The following ASIC2 variants were observed in gnomAD, a reference collection of about 807,000 sequenced individuals.
ASIC2 encodes acid sensing ion channel subunit 2.
ASIC2 carries 25 observed loss-of-function variants against 57.3 expected under a neutral mutation model. The ratio of observed to expected loss-of-function variants is 0.44; its 90% CI spans 0.32 to 0.61. The LOEUF (loss-of-function observed/expected upper bound fraction) is 0.61, where lower values mean the gene tolerates loss of function less well. ASIC2 is among the 20% of genes least tolerant of loss of function. The probability of loss-of-function intolerance (pLI) is 0.06; values close to 1 mark genes in which losing one functional copy is unlikely to be tolerated. For synonymous variants in ASIC2, 319 were observed against 307.5 expected (o/e 1.04, Z -0.39); for missense variants, 641 against 738.1 (o/e 0.87, Z 1.52).
intron 1 of ASIC2, among the ~76,000 whole-genome samples, chr17:33,922,227 A>G (rs2141965698): frequency 6.6e-6 from 1 of 152,254 alleles, no homozygotes; most frequent in South Asian, 2.1e-4. Context: ...AGTCAGAGAC[A>G]AGTTCAATAC....
At position 33,886,955 on chromosome 17, in the gene ASIC2, C is replaced by CA. The variant is rs997757761; in HGVS notation, c.555+269022dup. On this transcript the variant is annotated intron_variant, in intron 1 of 9. Transcript: ENST00000359872. ...GGCAGAAAACAAACAAACAAACTAA[C>CA]AAAAAAAACAAAAAATGCATTTTTT... Among the ~76,000 whole-genome samples, 93 of 151,604 alleles carry CA rather than the reference C, an allele frequency of 6.1e-4. 1 individual carries two copies. The East Asian group carries it at 9.7e-3, about 16-fold the overall frequency.
At chr17:33,856,476 G>GGTAGTAACAGTGATAGTTTTATCA (rs1913936122) in intron 1 of ASIC2, among the ~76,000 whole-genome samples, 1 of 71,634 alleles carries the variant, frequency 1.4e-5, no homozygotes, top group African/African-American at 3.7e-5. Context: ...TAGTAGTGGT[G>GGTAGTAACAGTGATAGTTTTATCA]GTGGTGGCAG....
At chr17:33,219,510 G>C (rs1200936321) in intron 1 of ASIC2, among the ~76,000 whole-genome samples, 1 of 152,158 alleles carries the variant, frequency 6.6e-6, no homozygotes, top group Non-Finnish European at 1.5e-5. Flanking sequence ...AGTCATTGCT[G>C]TCTCCTCTTC....
intron 1 of ASIC2, among the ~76,000 whole-genome samples, chr17:33,645,880 C>T (rs1906723893): frequency 6.6e-6 from 1 of 152,060 alleles, no homozygotes; most frequent in Admixed American, 6.5e-5. Context: ...TAGTACATGC[C>T]ATAACTTCTT....
intron 1 of ASIC2, among the ~76,000 whole-genome samples, chr17:33,160,739 A>C (rs9916430): frequency 0.016 from 2,497 of 152,030 alleles, 73 homozygotes; most frequent in African/African-American, 0.058. Flanking sequence ...TGGGGTTTGG[A>C]TGGGGAGGCA....
At chr17:33,154,024 A>T (rs1904901848) in intron 1 of ASIC2, among the ~76,000 whole-genome samples, 1 of 152,114 alleles carries the variant, frequency 6.6e-6, no homozygotes, top group African/African-American at 2.4e-5. Flanking sequence ...CTTCATGAAC[A>T]TCCTGCAGAC....
intron 1 of ASIC2, among the ~76,000 whole-genome samples, chr17:33,887,765 A>G (rs1213014510): frequency 6.6e-6 from 1 of 152,176 alleles, no homozygotes; most frequent in Non-Finnish European, 1.5e-5. Context: ...TTCTGAGCTA[A>G]TCTGGAACAC....
intron 1 of ASIC2, among the ~76,000 whole-genome samples, chr17:33,433,223 A>T (rs1325755959): frequency 6.6e-6 from 1 of 152,208 alleles, no homozygotes; most frequent in Non-Finnish European, 1.5e-5. Context: ...TGTAGCCATT[A>T]AAAAAATGAG....
At chr17:33,740,681 C>T (rs1910083217) in intron 1 of ASIC2, among the ~76,000 whole-genome samples, 1 of 152,164 alleles carries the variant, frequency 6.6e-6, no homozygotes, top group African/African-American at 2.4e-5. Context: ...AGACCTTCTC[C>T]TCCTCCTTCA....
intron 3 of ASIC2, among the ~76,000 whole-genome samples, chr17:33,072,869 A>T (rs2092074756): frequency 6.6e-6 from 1 of 152,238 alleles, no homozygotes; most frequent in African/African-American, 2.4e-5. Flanking sequence ...GGGAAGAAGG[A>T]GGATGAGTAA....
chr17:33,399,368 G>T (rs1326232928), intron 1 of ASIC2, among the ~76,000 whole-genome samples: 1 of 152,156 alleles, frequency 6.6e-6, no homozygotes, highest in African/African-American at 2.4e-5. Flanking sequence ...ATAGCCAAAG[G>T]CACACTGGGG....
At chr17:33,891,230 T>C (rs1197206596) in intron 1 of ASIC2, among the ~76,000 whole-genome samples, 1 of 152,164 alleles carries the variant, frequency 6.6e-6, no homozygotes, top group Non-Finnish European at 1.5e-5. Context: ...CTACCCTGTG[T>C]TCCTTACCAC....
intron 1 of ASIC2, among the ~76,000 whole-genome samples, chr17:33,859,039 T>C (rs1914037380): frequency 6.6e-6 from 1 of 152,254 alleles, no homozygotes; most frequent in African/African-American, 2.4e-5. Flanking sequence ...AGTCAATATC[T>C]GCTGAGTATG....
rs923356573 is a variant in ASIC2, at chr17:33,376,096, T to C, written c.556-264029A>G. 2.6e-5 allele frequency among the ~76,000 whole-genome samples: 4 copies of C among 152,088 alleles called. No homozygotes were observed. In the East Asian group the frequency reaches 5.8e-4, roughly 22 times the overall value. On this transcript the variant is annotated intron_variant, in intron 1 of 9. Transcript: ENST00000359872. ...GTATATGTTTGGTATTTAAAACCAA[T>C]AGACTGGAAGACATACCCTAAGGAT...
At chr17:33,495,422 C>T (rs952169154) in intron 1 of ASIC2, among the ~76,000 whole-genome samples, 5 of 152,310 alleles carry the variant, frequency 3.3e-5, no homozygotes, top group South Asian at 4.1e-4. Flanking sequence ...CTCATCTTCT[C>T]GGAAACCAAG....
chr17:33,410,766 C>T (rs1406837931), intron 1 of ASIC2, among the ~76,000 whole-genome samples: 1 of 152,248 alleles, frequency 6.6e-6, no homozygotes, highest in East Asian at 1.9e-4. Context: ...ACTGTATCAT[C>T]TTTGTGAGAC....
intron 1 of ASIC2, among the ~76,000 whole-genome samples, chr17:33,234,558 G>A (rs143569788): frequency 1.3e-5 from 2 of 152,256 alleles, no homozygotes; most frequent in African/African-American, 2.4e-5. Context: ...CTTGCAGTTC[G>A]TTCAGGCTGC....
chr17:33,214,082 G>A (rs777280351), intron 1 of ASIC2, among the ~76,000 whole-genome samples: 10 of 152,072 alleles, frequency 6.6e-5, no homozygotes, highest in South Asian at 2.1e-4. Context: ...TCCATCTCTC[G>A]TGCCCAGGGT....
At chr17:34,095,615 ATATATATATATATAATTT>A (rs1167517476) in intron 1 of ASIC2, among the ~76,000 whole-genome samples, 14 of 82,308 alleles carry the variant, frequency 1.7e-4, no homozygotes, top group Non-Finnish European at 2.5e-4. Context: ...TTTTATATAT[ATATATATATATATAATTT>A]TATATATATA....
Sources: allele counts gnomAD v4.1 joint callset (sites outside exome capture counted in the v4.1 genomes callset), GRCh38; gene constraint gnomAD v4.1.1; transcripts MANE v1.5; gene names NCBI Gene and HGNC (gene_info 2026-07-23, HGNC 2026-07-21).